Variants in ASIC2 observed in about 807,000 individuals in gnomAD.
ASIC2 encodes acid sensing ion channel subunit 2.
ASIC2 carries 25 observed loss-of-function variants against 57.3 expected under a neutral mutation model. That is an observed-to-expected ratio of 0.44 (90% CI 0.32 to 0.61). ASIC2 has a LOEUF of 0.61. Ranked by LOEUF, ASIC2 falls within the 20% of genes least tolerant of loss-of-function variation. The pLI, the probability that ASIC2 is intolerant of heterozygous loss-of-function variation, is 0.06. For missense variants in ASIC2, 641 were observed against 738.1 expected (o/e 0.87, Z 1.52); for synonymous variants, 319 against 307.5 (o/e 1.04, Z -0.39).
chr17:33,937,577 G>A (rs570130621), intron 1 of ASIC2, among the ~76,000 whole-genome samples: 4 of 152,158 alleles, frequency 2.6e-5, no homozygotes, highest in Non-Finnish European at 5.9e-5. Context: ...CCTTAAGTGG[G>A]TAAGGTCATT....
chr17:33,822,279 G>C (rs1912767612), intron 1 of ASIC2, among the ~76,000 whole-genome samples: 1 of 152,182 alleles, frequency 6.6e-6, no homozygotes, highest in Non-Finnish European at 1.5e-5. Flanking sequence ...CGGGAGTCCT[G>C]CATTGGGCTT....
chr17:33,472,702 G>A (rs1190045513), intron 1 of ASIC2, among the ~76,000 whole-genome samples: 1 of 152,108 alleles, frequency 6.6e-6, no homozygotes, highest in Non-Finnish European at 1.5e-5. Context: ...GCTTCTGGCT[G>A]GATGGAGGTG....
intron 1 of ASIC2, among the ~76,000 whole-genome samples, chr17:33,127,667 C>T (rs1040003763): frequency 1.3e-5 from 2 of 152,126 alleles, no homozygotes; most frequent in African/African-American, 4.8e-5. Context: ...GAAAATGTCG[C>T]TCTAGTTAGT....
intron 1 of ASIC2, among the ~76,000 whole-genome samples, chr17:33,114,428 G>T (rs2092272617): frequency 6.6e-6 from 1 of 152,176 alleles, no homozygotes; most frequent in Non-Finnish European, 1.5e-5. Flanking sequence ...TTTCTTTGTA[G>T]ACACTCTAAA....
rs376399256 is a variant in ASIC2, at chr17:33,869,251, CAAAG to C, written c.555+286723_555+286726del. ...TAGAATAGCTATAATTAAAAAAAAA[CAAAG>C]AATATTAATTGTTGGCAAAGATGTG... On this transcript the variant is annotated intron_variant, in intron 1 of 9. Coordinates refer to the ASIC2 transcript ENST00000359872. Among the ~76,000 whole-genome samples, 326 of 152,056 alleles carry C rather than the reference CAAAG, an allele frequency of 2.1e-3. 2 individuals carry two copies. Among genetic ancestry groups the C allele is most frequent in the African/African-American group, 7.6e-3 (316 of 41,458 alleles).
intron 1 of ASIC2, among the ~76,000 whole-genome samples, chr17:33,799,346 CTCTT>C (rs1322918290): frequency 7.1e-6 from 1 of 141,570 alleles, no homozygotes; most frequent in East Asian, 2.0e-4. Context: ...TCTGTTTCCT[CTCTT>C]TCTCTTTCTT....
At chr17:33,072,593 T>G (rs2092073727) in intron 3 of ASIC2, among the ~76,000 whole-genome samples, 1 of 152,204 alleles carries the variant, frequency 6.6e-6, no homozygotes, top group Non-Finnish European at 1.5e-5. Context: ...TTCATAGCTA[T>G]TGCCAAATCT....
chr17:33,297,082 C>T (rs954603013), upstream of ASIC2, among the ~76,000 whole-genome samples: 1 of 152,224 alleles, frequency 6.6e-6, no homozygotes, highest in African/African-American at 2.4e-5. Context: ...TTTGGTATTT[C>T]TTTCACATGG....
chr17:34,147,593 C>A (rs1004681197), intron 1 of ASIC2, among the ~76,000 whole-genome samples: 2 of 152,132 alleles, frequency 1.3e-5, no homozygotes, highest in African/African-American at 2.4e-5. Context: ...ATCCAGCAAC[C>A]CCTAAGCCCA....
chr17:33,898,413 T>C (rs1915157295), intron 1 of ASIC2, among the ~76,000 whole-genome samples: 2 of 151,776 alleles, frequency 1.3e-5, no homozygotes, highest in South Asian at 2.1e-4. Context: ...TTTTTCTGTA[T>C]TTTTAGTAGA....
chr17:33,655,411 A>G (rs1597823262), intron 1 of ASIC2, among the ~76,000 whole-genome samples: 1 of 152,096 alleles, frequency 6.6e-6, no homozygotes, highest in South Asian at 2.1e-4. Context: ...AGATTCATCC[A>G]CCTTCCTAGA....
chr17:33,801,424 C>T (rs151155008), intron 1 of ASIC2, among the ~76,000 whole-genome samples: 9 of 152,260 alleles, frequency 5.9e-5, no homozygotes, highest in African/African-American at 2.2e-4. Context: ...CTGACATGAC[C>T]TGTCCTTCCT....
chr17:34,085,412 T>C (rs61563543), intron 1 of ASIC2, among the ~76,000 whole-genome samples: 2,498 of 152,306 alleles, frequency 0.016, 71 homozygotes, highest in East Asian at 0.059. Flanking sequence ...TGGATAAGCT[T>C]TCTGATGTGC....
rs1233030200 is a variant in ASIC2 at position 33,519,020 on chromosome 17, CCA to C, written c.556-406955_556-406954del. Among the ~76,000 whole-genome samples, 3 of 141,672 alleles carry C rather than the reference CCA, an allele frequency of 2.1e-5. No individual in the cohort carries two copies. In the Admixed American group the frequency reaches 2.2e-4, roughly 10 times the overall value. The allele number at this position is 141,672 out of a possible 152,430, so 92.9% of individuals were successfully genotyped here. ...TATTTTCAGTAGAGACGGGGTTTCA[CCA>C]TGTTGGCCAGGATGGTCTCGATCTC... On this transcript the variant is annotated intron_variant, in intron 1 of 9. Coordinates refer to the ASIC2 transcript ENST00000359872.
intron 1 of ASIC2, among the ~76,000 whole-genome samples, chr17:33,653,563 C>T (rs1029525138): frequency 1.3e-5 from 2 of 152,110 alleles, no homozygotes; most frequent in Non-Finnish European, 2.9e-5. Flanking sequence ...AGGTCAATTA[C>T]ACCTTCTTGT....
chr17:33,104,715 T>C (rs1006493507), intron 2 of ASIC2, among the ~76,000 whole-genome samples: 3 of 152,220 alleles, frequency 2.0e-5, no homozygotes, highest in Non-Finnish European at 2.9e-5. Flanking sequence ...AGATGCTGCC[T>C]AAACCTCTTT....
chr17:33,117,093 A>G (rs2092284139), intron 1 of ASIC2, among the ~76,000 whole-genome samples: 2 of 152,104 alleles, frequency 1.3e-5, no homozygotes, highest in Non-Finnish European at 2.9e-5. Flanking sequence ...GGCTCAAGCA[A>G]TCATCCCACC....
intron 3 of ASIC2, among the ~76,000 whole-genome samples, chr17:33,084,540 A>G (rs371835116): frequency 2.0e-5 from 3 of 152,236 alleles, no homozygotes; most frequent in South Asian, 2.1e-4. Context: ...CTAGCTACGC[A>G]ACCTTGAACA....
At chr17:33,017,983 G>C (rs540412631) in intron 7 of ASIC2, among the ~76,000 whole-genome samples, 2 of 152,206 alleles carry the variant, frequency 1.3e-5, no homozygotes, top group African/African-American at 4.8e-5. Flanking sequence ...AAACCACACC[G>C]ATTGGGTCCT....
Sources: gnomAD v4.1 joint callset for allele counts (sites outside exome capture counted in the v4.1 genomes callset) on GRCh38, gnomAD v4.1.1 for gene constraint, MANE v1.5 for transcripts, NCBI Gene and HGNC (gene_info 2026-07-23, HGNC 2026-07-21) for gene names.